Variants in HIVEP1 observed in about 807,000 individuals in gnomAD.
The protein encoded by HIVEP1 is zinc finger protein 40.
HIVEP1 carries 36 observed loss-of-function variants against 180.0 expected under a neutral mutation model. The ratio of observed to expected loss-of-function variants is 0.20; its 90% CI spans 0.15 to 0.26. The LOEUF is 0.26. Among genes scored for constraint, HIVEP1 ranks in the 10% least tolerant of loss-of-function variants. The pLI is 1.00. For missense variants in HIVEP1, 3,143 were observed against 3,268.7 expected, an observed-to-expected ratio of 0.96 and a Z score of 0.94; for synonymous variants, 1,239 against 1,239.0, an observed-to-expected ratio of 1.00 and a Z score of 0.00.
At chr6:12,048,434 C>A (rs968474662) in intron 2 of HIVEP1, among the ~76,000 whole-genome samples, 8 of 152,176 alleles carry the variant, frequency 5.3e-5, no homozygotes, top group Non-Finnish European at 8.8e-5. Context: ...CAATACTCTA[C>A]CTCTCTCCAG....
intron 3 of HIVEP1, 38 bp from the exon 4 acceptor site, chr6:12,119,852 T>C (rs2113502765): frequency 1.5e-6 from 2 of 1,337,632 alleles, no homozygotes; most frequent in South Asian, 1.4e-5. Context: ...GTATGTACAA[T>C]GTTACCAATT....
intron 2 of HIVEP1, among the ~76,000 whole-genome samples, chr6:12,033,285 G>C (rs901880314): frequency 3.3e-5 from 5 of 151,938 alleles, no homozygotes; most frequent in Non-Finnish European, 7.4e-5. Context: ...TTTATGATGG[G>C]TTTATCAGTT....
chr6:12,169,878 C>G (rs748165239), downstream of HIVEP1, among the ~76,000 whole-genome samples: 1 of 151,924 alleles, frequency 6.6e-6, no homozygotes, highest in Non-Finnish European at 1.5e-5. Context: ...CCCAGCACTT[C>G]GGGAGGCCAA....
intron 2 of HIVEP1, among the ~76,000 whole-genome samples, chr6:12,036,414 C>A (rs1421462460): frequency 6.6e-6 from 1 of 152,208 alleles, no homozygotes; most frequent in Admixed American, 6.5e-5. Context: ...TGTGGAAATA[C>A]TTTTGTTAGG....
chr6:12,161,034 G>T (rs1164194780), intron 7 of HIVEP1, among the ~76,000 whole-genome samples: 1 of 152,306 alleles, frequency 6.6e-6, no homozygotes, highest in East Asian at 1.9e-4. Flanking sequence ...GTAAAAGGAA[G>T]ATACAAAATA....
intron 2 of HIVEP1, among the ~76,000 whole-genome samples, chr6:12,024,558 A>G (rs1399363984): frequency 1.3e-5 from 2 of 152,192 alleles, no homozygotes; most frequent in African/African-American, 2.4e-5. Flanking sequence ...AATTTAACCA[A>G]GCATACTTGT....
intron 2 of HIVEP1, among the ~76,000 whole-genome samples, chr6:12,017,879 C>T (rs756389144): frequency 1.3e-5 from 2 of 152,242 alleles, no homozygotes; most frequent in African/African-American, 2.4e-5. Context: ...CCAGTGGATC[C>T]CGCACTGGGG....
At chr6:12,144,094 C>G (rs139476391) in intron 7 of HIVEP1, among the ~76,000 whole-genome samples, 1 of 152,094 alleles carries the variant, frequency 6.6e-6, no homozygotes, top group Non-Finnish European at 1.5e-5. Flanking sequence ...GCAAAAGGAA[C>G]AAAGCTGGAG....
chr6:12,121,472 G>C lies in HIVEP1; in HGVS notation c.1677G>C (p.Glu559Asp), dbSNP rs755374488. ...DRSAESQAVT[E>D]LPKVVVHHVT... ...CTGCAGAATCACAAGCTGTGACAGA[G>C]TTACCGAAAGTTGTGGTCCACCATG... The change falls in exon 4 of 9, where the codon GAG becomes GAC. Residue 559 changes from glutamate to aspartate, a missense_variant. By Grantham distance (45) the Glu-to-Asp change is conservative. This residue lies in a region of HIVEP1 where 365 missense variants were observed against 344.4 expected (regional missense o/e 1.06). Transcript: ENST00000379388. The surrounding 1 kb of genome is among the most constrained non-coding windows in gnomAD (Gnocchi z 5.3). 8 of 1,614,084 alleles carry C rather than the reference G, an allele frequency of 5.0e-6. No homozygotes were observed. The highest frequency in any genetic ancestry group is 1.7e-5 in the Admixed American group (1 of 59,996).
Position 12,120,356 on chromosome 6 carries a change from G to T in HIVEP1, c.561G>T (p.Thr187=). The T allele has an allele frequency of 6.2e-7, 1 of 1,614,102 alleles. No homozygotes were observed. The highest frequency in any genetic ancestry group is 2.2e-5 in the East Asian group (1 of 44,886). ...SECISSHCGT[T]SPSYTNTAFD... is the part of the protein sequence containing the mutation. ...GCATCTCTTCTCATTGTGGCACTACGTCCCCCTCCTATACAAACACTGCAT... is the reference window on the plus strand; with the variant it reads ...GCATCTCTTCTCATTGTGGCACTACTTCCCCCTCCTATACAAACACTGCAT... The change falls in exon 4 of 9, where the codon ACG becomes ACT. Residue 187 remains threonine, a synonymous_variant. Coordinates refer to ENST00000379388, the MANE Select transcript of HIVEP1 (RefSeq NM_002114.4).
At chr6:12,014,272 T>G (rs1332227433) in intron 1 of HIVEP1, among the ~76,000 whole-genome samples, 1 of 152,220 alleles carries the variant, frequency 6.6e-6, no homozygotes, top group Non-Finnish European at 1.5e-5. Context: ...AAAGAAATCC[T>G]GAAAGTAGAT....
At chr6:12,106,226 C>T (rs1276884451) in intron 3 of HIVEP1, among the ~76,000 whole-genome samples, 1 of 151,706 alleles carries the variant, frequency 6.6e-6, no homozygotes, top group Non-Finnish European at 1.5e-5. Context: ...TTTTATTGTT[C>T]AATTTAGAGT....
chr6:12,107,477 A>G (rs1011041787), intron 3 of HIVEP1, among the ~76,000 whole-genome samples: 2 of 152,172 alleles, frequency 1.3e-5, no homozygotes, highest in African/African-American at 4.8e-5. Context: ...TGTGTCCAGA[A>G]TTGGTGGGTT....
chr6:12,208,536 C>A, the HIVEP1 span, among the ~76,000 whole-genome samples: 1 of 152,178 alleles, frequency 6.6e-6, no homozygotes. Flanking sequence ...TGCACCGCGT[C>A]ACCCAGCCCC....
intron 2 of HIVEP1, among the ~76,000 whole-genome samples, chr6:12,025,214 G>A (rs1768499326): frequency 6.6e-6 from 1 of 152,148 alleles, no homozygotes; most frequent in South Asian, 2.1e-4. Context: ...GTTCTTTCCT[G>A]ATTAGTAAGA....
At chr6:12,148,442 A>G (rs1265199550) in intron 7 of HIVEP1, among the ~76,000 whole-genome samples, 2 of 152,186 alleles carry the variant, frequency 1.3e-5, no homozygotes, top group African/African-American at 4.8e-5. Context: ...TGTATTCTCC[A>G]TTTTCTTAGC....
chr6:12,020,356 T>C, intron 2 of HIVEP1: 1 of 471,218 alleles, frequency 2.1e-6, no homozygotes, highest in Non-Finnish European at 4.4e-6. Flanking sequence ...CTTAGCATGT[T>C]GTCCTGGGTT....
At position 12,164,244 on chromosome 6, in the gene HIVEP1, A is replaced by C. The variant is rs1365366756; in HGVS notation, c.7940A>C (p.Lys2647Thr). 1 of 1,614,042 alleles carries C rather than the reference A, an allele frequency of 6.2e-7. No homozygotes were observed. The change falls in exon 9 of 9, where the codon AAG (lysine) becomes ACG (threonine). Residue 2647 changes from lysine to threonine, a missense_variant. Around this residue, in one of 12 missense-constraint regions of HIVEP1, gnomAD observed 595 missense variants for 602.2 expected, o/e 0.99. Transcript: ENST00000379388. ...KAASANHVKP[K>T]PELTSIQGQP... ...GCCTCGGCAAATCACGTGAAGCCCA[A>C]GCCTGAACTCACTTCCATACAGGGC...
chr6:12,142,763 C>T (rs1759128910), intron 7 of HIVEP1, among the ~76,000 whole-genome samples: 1 of 152,152 alleles, frequency 6.6e-6, no homozygotes, highest in Non-Finnish European at 1.5e-5. Context: ...CACCTCTATG[C>T]AAATAAACTA....
Sources: allele counts gnomAD v4.1 joint callset (sites outside exome capture counted in the v4.1 genomes callset), GRCh38; gene constraint gnomAD v4.1.1; regional missense constraint gnomAD v4.1.1; non-coding constraint Gnocchi (gnomAD v3.1); transcripts MANE v1.5; gene names NCBI Gene and HGNC (gene_info 2026-07-23, HGNC 2026-07-21).